Variants in SH3RF3 observed in about 807,000 individuals in gnomAD.
The protein encoded by SH3RF3 is E3 ubiquitin-protein ligase SH3RF3.
SH3RF3 carries 29 observed loss-of-function variants against 66.3 expected under a neutral mutation model. That is an observed-to-expected ratio of 0.44 (90% CI 0.33 to 0.60). The LOEUF (loss-of-function observed/expected upper bound fraction) is 0.60. SH3RF3 is among the 20% of genes least tolerant of loss of function. SH3RF3 has a pLI of 0.04. For synonymous variants in SH3RF3, 583 were observed against 532.0 expected (o/e 1.10, Z -1.32); for missense variants, 1,194 against 1,190.9 (o/e 1.00, Z -0.04).
intron 1 of SH3RF3, among the ~76,000 whole-genome samples, chr2:109,341,520 A>T (rs1682552553): frequency 6.6e-6 from 1 of 152,198 alleles, no homozygotes; most frequent in South Asian, 2.1e-4. Flanking sequence ...TTGTAAATAC[A>T]CCTGAGACTT....
chr2:109,377,243 G>A (rs1325240183), intron 3 of SH3RF3, among the ~76,000 whole-genome samples: 1 of 152,194 alleles, frequency 6.6e-6, no homozygotes, highest in Non-Finnish European at 1.5e-5. Flanking sequence ...AAGCCTGAGG[G>A]TGCTGGACCT....
intron 1 of SH3RF3, among the ~76,000 whole-genome samples, chr2:109,135,479 G>A (rs1367590489): frequency 6.6e-6 from 1 of 152,182 alleles, no homozygotes; most frequent in East Asian, 1.9e-4. Flanking sequence ...ATAGGATAAC[G>A]TATGTGCAGT....
intron 3 of SH3RF3, among the ~76,000 whole-genome samples, chr2:109,386,564 T>C (rs1430317409): frequency 6.6e-6 from 1 of 152,222 alleles, no homozygotes; most frequent in Admixed American, 6.5e-5. Context: ...CCCTTGAGTG[T>C]GAGTCCTCTA....
At position 109,129,329 on chromosome 2, in the gene SH3RF3, CCGG is replaced by C. The variant is rs1676618554; in HGVS notation, c.-211_-209del. 8.6e-3 allele frequency: 11 copies of C among 1,278 alleles called. No homozygotes were observed. The Non-Finnish European group carries it at 0.31, about 36-fold the overall frequency. 0.1% of individuals were successfully genotyped at this position (1,278 alleles called of 1,614,324 possible). A position where few individuals can be genotyped will look rare whatever the true frequency, so the allele number is the denominator to read the frequency against. ...CTCAGGACTGGGCGGGCTCGGCTGG[CCGG>C]TCCCCGCCACGCAGGCCGGTCCCCG... On this transcript the variant is annotated 5_prime_UTR_variant, in exon 1 of 10. Transcript: ENST00000309415.
At chr2:109,178,349 G>C (rs1210449822) in intron 1 of SH3RF3, among the ~76,000 whole-genome samples, 1 of 152,120 alleles carries the variant, frequency 6.6e-6, no homozygotes, top group Non-Finnish European at 1.5e-5. Flanking sequence ...GAATAATACT[G>C]CTTCTGCTAG....
At chr2:109,432,422 A>T in intron 5 of SH3RF3, 79 bp from the exon 6 acceptor site, 1 of 1,558,178 alleles carries the variant, frequency 6.4e-7, no homozygotes, top group South Asian at 1.2e-5. Flanking sequence ...TCCAAAGACA[A>T]CCTCCCCCCA....
intron 4 of SH3RF3, among the ~76,000 whole-genome samples, chr2:109,414,043 C>T (rs1333763972): frequency 6.6e-6 from 1 of 152,242 alleles, no homozygotes; most frequent in Non-Finnish European, 1.5e-5. Flanking sequence ...ATGACATTCC[C>T]TCTGAAGCAC....
chr2:109,425,554 G>A (rs1241969498), intron 5 of SH3RF3, among the ~76,000 whole-genome samples: 1 of 152,170 alleles, frequency 6.6e-6, no homozygotes, highest in African/African-American at 2.4e-5. Flanking sequence ...TTGCCATTCC[G>A]AGAACCCTAG....
Position 109,320,957 on chromosome 2 carries a change from G to A in SH3RF3, c.574-26717G>A, listed in dbSNP as rs142408449. On this transcript the variant is annotated intron_variant, in intron 1 of 9. Transcript: ENST00000309415. ...GTGATGGTAATATTGCCATCTTGCA[G>A]GGTTTTAGGATATGGATTAGATTGT... Among the ~76,000 whole-genome samples, 16 of 152,304 alleles carry A rather than the reference G, an allele frequency of 1.1e-4. No individual in the cohort carries two copies. In the East Asian group the frequency reaches 2.9e-3, roughly 28 times the overall value.
chr2:109,184,737 C>T (rs1304477737), intron 1 of SH3RF3, among the ~76,000 whole-genome samples: 1 of 152,180 alleles, frequency 6.6e-6, no homozygotes, highest in Non-Finnish European at 1.5e-5. Context: ...TGTGCAGCCT[C>T]CTATTCTGCC....
intron 1 of SH3RF3, among the ~76,000 whole-genome samples, chr2:109,308,199 T>G (rs1301369799): frequency 1.5e-5 from 2 of 131,984 alleles, no homozygotes; most frequent in Non-Finnish European, 3.1e-5. Flanking sequence ...TTTCATGTGT[T>G]TTTTGGCTGC....
At chr2:109,369,181 T>TAAAA (rs748661837) in intron 2 of SH3RF3, among the ~76,000 whole-genome samples, 1 of 138,264 alleles carries the variant, frequency 7.2e-6, no homozygotes. Context: ...CGTCTCTTCT[T>TAAAA]AAAAAAAAAA....
chr2:109,370,566 C>G (rs1051749772), intron 2 of SH3RF3, among the ~76,000 whole-genome samples: 1 of 152,132 alleles, frequency 6.6e-6, no homozygotes, highest in Non-Finnish European at 1.5e-5. Context: ...CTTGTTACAG[C>G]TGTTTTCTCC....
chr2:109,405,296 C>T (rs952569083), intron 4 of SH3RF3, among the ~76,000 whole-genome samples: 28 of 152,286 alleles, frequency 1.8e-4, no homozygotes, highest in Admixed American at 5.2e-4. Context: ...CAAGGAGTCA[C>T]CACTGTCCTT....
intron 9 of SH3RF3, among the ~76,000 whole-genome samples, chr2:109,493,724 C>A (rs1679187736): frequency 6.6e-6 from 1 of 151,934 alleles, no homozygotes; most frequent in Admixed American, 6.6e-5. Context: ...CATAAACACA[C>A]ACCATATACA....
At chr2:109,264,505 G>A (rs916289043) in intron 1 of SH3RF3, among the ~76,000 whole-genome samples, 1 of 152,228 alleles carries the variant, frequency 6.6e-6, no homozygotes, top group Non-Finnish European at 1.5e-5. Flanking sequence ...AGAGGTGCTC[G>A]ATAGATAGAA....
chr2:109,272,269 C>G (rs547382242), intron 1 of SH3RF3, among the ~76,000 whole-genome samples: 99 of 152,324 alleles, frequency 6.5e-4, no homozygotes, highest in African/African-American at 2.2e-3. Context: ...CTAGCAATTG[C>G]CCAACCAAAA....
At chr2:109,167,116 G>C (rs1379887853) in intron 1 of SH3RF3, among the ~76,000 whole-genome samples, 1 of 152,198 alleles carries the variant, frequency 6.6e-6, no homozygotes, top group Non-Finnish European at 1.5e-5. Context: ...TTCAGGAGTA[G>C]TTCTAGTAAG....
At chr2:109,290,420 G>A (rs915934294) in intron 1 of SH3RF3, among the ~76,000 whole-genome samples, 2 of 152,152 alleles carry the variant, frequency 1.3e-5, no homozygotes, top group African/African-American at 4.8e-5. Context: ...TGCCACACAC[G>A]AACACACACA....
Sources: allele counts gnomAD v4.1 joint callset (sites outside exome capture counted in the v4.1 genomes callset), GRCh38; gene constraint gnomAD v4.1.1; transcripts MANE v1.5; gene names NCBI Gene and HGNC (gene_info 2026-07-23, HGNC 2026-07-21).